The following ADGRV1 variants were observed in gnomAD, a reference collection of about 807,000 sequenced individuals.
ADGRV1 encodes G-protein coupled receptor 98.
In ADGRV1, 359 loss-of-function variants were observed where a neutral mutation model predicts 596.2. The observed-to-expected ratio is 0.60, with a 90% CI of 0.55 to 0.66. The LOEUF is 0.66. Ranked by LOEUF, ADGRV1 falls within the 30% of genes least tolerant of loss-of-function variation. The pLI is 0.00. For missense variants in ADGRV1, 7,274 were observed against 7,575.6 expected (o/e 0.96, Z 1.48); for synonymous variants, 2,681 against 2,679.2 (o/e 1.00, Z -0.02).
intron 77 of ADGRV1, among the ~76,000 whole-genome samples, chr5:90,832,335 C>T (rs1272943792): frequency 5.9e-5 from 9 of 152,146 alleles, no homozygotes; most frequent in African/African-American, 2.2e-4. Context: ...TTTTGATTTG[C>T]ATTTCTTTCA....
In ADGRV1 at chr5:90,692,773, A is replaced by T; in HGVS notation, c.7120A>T (p.Thr2374Ser). 6.3e-7 allele frequency: 1 copy of T among 1,596,610 alleles called. No individual in the cohort carries two copies. Residue 2374 changes from threonine (T) to serine (S), a missense_variant, in exon 32 of 90, where the codon ACT (threonine) becomes TCT (serine). Thr to Ser is a moderately conservative substitution (Grantham distance 58). Around this residue, in one of 5 missense-constraint regions of ADGRV1, gnomAD observed 3,643 missense variants for 3,809.2 expected, o/e 0.96. Coordinates refer to ENST00000405460, the MANE Select transcript of ADGRV1 (RefSeq NM_032119.4). ...PLERSSCANI[T>S]VRRSGGHFGR... The stretch of plus-strand genomic sequence containing the variant: ...GGAAAGAAGTTCCTGTGCTAATATA[A>T]CTGTCAGGCGAAGGTATATGAGATA...
chr5:91,002,287 TG>T (rs927847218), intron 85 of ADGRV1, among the ~76,000 whole-genome samples: 2 of 152,186 alleles, frequency 1.3e-5, no homozygotes, highest in African/African-American at 4.8e-5. Flanking sequence ...CAAAGTATTG[TG>T]AGTACTTTGT....
intron 29 of ADGRV1, among the ~76,000 whole-genome samples, chr5:90,688,723 C>T (rs1464384238): frequency 6.6e-6 from 1 of 152,120 alleles, no homozygotes; most frequent in Non-Finnish European, 1.5e-5. Context: ...CCAAAATATG[C>T]ACAAATCAAT....
At chr5:90,764,691 C>T (rs1756900506) in intron 59 of ADGRV1, among the ~76,000 whole-genome samples, 1 of 152,138 alleles carries the variant, frequency 6.6e-6, no homozygotes, top group African/African-American at 2.4e-5. Flanking sequence ...CCCTGGGACC[C>T]ACCTGTCCCC....
intron 85 of ADGRV1, among the ~76,000 whole-genome samples, chr5:91,001,951 A>T (rs1332996931): frequency 6.6e-6 from 1 of 152,112 alleles, no homozygotes; most frequent in Non-Finnish European, 1.5e-5. Context: ...TTGTAACATT[A>T]TTTTTGCTTG....
intron 83 of ADGRV1, among the ~76,000 whole-genome samples, chr5:90,961,517 G>A (rs1203060739): frequency 2.0e-4 from 29 of 143,314 alleles, no homozygotes; most frequent in Middle Eastern, 7.0e-3. Context: ...AGGGGGGGTG[G>A]CGGTCATTTC....
intron 1 of ADGRV1, among the ~76,000 whole-genome samples, chr5:90,573,600 C>T (rs142372450): frequency 3.8e-3 from 578 of 152,304 alleles, no homozygotes; most frequent in African/African-American, 0.013. Context: ...GGACCACCAT[C>T]ATATACCTGG....
At chr5:90,816,442 G>A (rs1367234208) in intron 75 of ADGRV1, among the ~76,000 whole-genome samples, 1 of 149,096 alleles carries the variant, frequency 6.7e-6, no homozygotes, top group African/African-American at 2.5e-5. Flanking sequence ...TTAAGTTTTA[G>A]GGTACATGTG....
chr5:90,818,021 C>T (rs1234584128), intron 75 of ADGRV1, among the ~76,000 whole-genome samples: 14 of 151,936 alleles, frequency 9.2e-5, no homozygotes, highest in South Asian at 6.2e-4. Context: ...GCCATTTTCA[C>T]GATATTGATT....
Position 91,163,822 on chromosome 5 carries a change from C to A in ADGRV1, c.18843C>A (p.Gly6281=), listed in dbSNP as rs1279715463. The part of the protein sequence containing the change: ...LSVSDNESGQ[G]SQEGGTLTDS... The stretch of plus-strand genomic sequence containing the variant: ...TCAGTGATAATGAATCTGGTCAAGG[C>A]AGCCAGGAGGGGGGCACCTTGACTG... Residue 6281 remains glycine, a synonymous_variant, in exon 90 of 90, where the codon GGC becomes GGA. Coordinates refer to ENST00000405460, the MANE Select transcript of ADGRV1 (RefSeq NM_032119.4). The A allele has an allele frequency of 1.2e-6, 2 of 1,602,314 alleles. No homozygotes were observed. Among genetic ancestry groups the A allele is most frequent in the African/African-American group, 2.7e-5 (2 of 74,822 alleles).
At position 90,794,731 on chromosome 5, in the gene ADGRV1, TGA is replaced by T. The variant is rs375462470; in HGVS notation, c.14517+3388_14517+3389del. On this transcript the variant is annotated intron_variant, in intron 70 of 89. Coordinates refer to ENST00000405460, the MANE Select transcript of ADGRV1 (RefSeq NM_032119.4). ...GACAGCTCTGGTCTGCAGCTCCCAG[TGA>T]GATCGACGCAGAAGGCAGGTGATTT... 1.2e-4 allele frequency among the ~76,000 whole-genome samples: 18 copies of T among 152,226 alleles called. No individual in the cohort carries two copies. The South Asian group carries it at 1.9e-3, about 16-fold the overall frequency.
At chr5:90,599,402 G>A (rs1369334541) in intron 1 of ADGRV1, among the ~76,000 whole-genome samples, 2 of 152,078 alleles carry the variant, frequency 1.3e-5, no homozygotes, top group East Asian at 3.9e-4. Flanking sequence ...TAAATGTTCT[G>A]ATAGCTGTTA....
intron 85 of ADGRV1, among the ~76,000 whole-genome samples, chr5:90,995,420 T>C (rs901681808): frequency 3.3e-5 from 5 of 152,182 alleles, no homozygotes; most frequent in African/African-American, 9.7e-5. Flanking sequence ...AGGGCTATTT[T>C]TCCAGGCTAT....
At chr5:90,754,566 T>G (rs1755625373) in intron 54 of ADGRV1, among the ~76,000 whole-genome samples, 2 of 152,218 alleles carry the variant, frequency 1.3e-5, no homozygotes, top group African/African-American at 4.8e-5. Context: ...AAATCACTCT[T>G]AATGATTAGT....
intron 27 of ADGRV1, among the ~76,000 whole-genome samples, chr5:90,683,254 A>AGGC (rs1319259641): frequency 2.0e-5 from 3 of 152,150 alleles, no homozygotes; most frequent in Non-Finnish European, 2.9e-5. Context: ...TGTGTTGCCC[A>AGGC]GGCTGGAGTG....
At chr5:91,024,717 G>T (rs576089042) in intron 85 of ADGRV1, among the ~76,000 whole-genome samples, 5 of 152,218 alleles carry the variant, frequency 3.3e-5, no homozygotes, top group Admixed American at 6.5e-5. Flanking sequence ...TCTCCATAGG[G>T]TTTAGAATGC....
At chr5:90,807,155 C>G (rs1761984571) in intron 72 of ADGRV1, among the ~76,000 whole-genome samples, 1 of 152,084 alleles carries the variant, frequency 6.6e-6, no homozygotes, top group Non-Finnish European at 1.5e-5. Context: ...CTGGCCTTGA[C>G]TAGATTTAAT....
intron 83 of ADGRV1, among the ~76,000 whole-genome samples, chr5:90,910,382 C>T (rs936873998): frequency 6.6e-6 from 1 of 152,138 alleles, no homozygotes; most frequent in Non-Finnish European, 1.5e-5. Context: ...TGACAAAGAA[C>T]CTCACCCTAA....
chr5:90,740,798 T>C (rs958231164), intron 50 of ADGRV1, among the ~76,000 whole-genome samples: 1 of 152,128 alleles, frequency 6.6e-6, no homozygotes, highest in Non-Finnish European at 1.5e-5. Flanking sequence ...CCAACTCAAC[T>C]CTCTCTTCCC....
Sources: allele counts gnomAD v4.1 joint callset (sites outside exome capture counted in the v4.1 genomes callset), GRCh38; gene constraint gnomAD v4.1.1; regional missense constraint gnomAD v4.1.1; transcripts MANE v1.5; gene names NCBI Gene and HGNC (gene_info 2026-07-23, HGNC 2026-07-21).